Variants in RYK observed in about 807,000 individuals in gnomAD.
RYK encodes receptor like tyrosine kinase, also known as inactive tyrosine-protein kinase RYK.
In RYK, 21 loss-of-function variants were observed where a neutral mutation model predicts 70.2. The observed-to-expected ratio is 0.30, with a 90% confidence interval of 0.21 to 0.43. RYK has a LOEUF of 0.43. Ranked by LOEUF, RYK falls within the 20% of genes least tolerant of loss-of-function variation. The pLI, the probability that RYK is intolerant of heterozygous loss-of-function variation, is 1.00. For missense variants in RYK, 604 were observed against 753.3 expected (o/e 0.80, Z 2.32); for synonymous variants, 267 against 278.0 (o/e 0.96, Z 0.39).
chr3:134,240,430 T>C (rs999866177), intron 1 of RYK, among the ~76,000 whole-genome samples: 9 of 152,170 alleles, frequency 5.9e-5, no homozygotes, highest in Non-Finnish European at 1.3e-4. Flanking sequence ...TAAAGCACCT[T>C]ATTTAAAATA....
At chr3:134,245,463 G>T (rs2015440533) in intron 1 of RYK, among the ~76,000 whole-genome samples, 5 of 152,030 alleles carry the variant, frequency 3.3e-5, no homozygotes, top group Admixed American at 2.6e-4. Flanking sequence ...TTTGCAAGAT[G>T]GCAAAGTACT....
chr3:134,172,943 G>A (rs1163300029), intron 13 of RYK, among the ~76,000 whole-genome samples: 1 of 152,134 alleles, frequency 6.6e-6, no homozygotes, highest in Non-Finnish European at 1.5e-5. Context: ...ACATGAAACA[G>A]GTTGTCATTC....
chr3:134,246,606 G>A (rs1416377067), intron 1 of RYK, among the ~76,000 whole-genome samples: 1 of 151,998 alleles, frequency 6.6e-6, no homozygotes, highest in South Asian at 2.1e-4. Context: ...CCTTAAGACA[G>A]AAAACTGTGA....
intron 5 of RYK, among the ~76,000 whole-genome samples, chr3:134,204,591 C>CCACAGACACACACACA (rs58130864): frequency 7.1e-6 from 1 of 140,694 alleles, no homozygotes; most frequent in East Asian, 2.1e-4. Flanking sequence ...ACAGCCACAG[C>CCACAGACACACACACA]CACACACACA....
intron 2 of RYK, 32 bp from the exon 3 acceptor site, chr3:134,211,639 C>A (rs933792757): frequency 1.4e-6 from 2 of 1,439,888 alleles, no homozygotes; most frequent in East Asian, 2.3e-5. Flanking sequence ...ACAAAATGGA[C>A]CTGTGATAAC....
chr3:134,225,695 A>C (rs1456122980), intron 1 of RYK, among the ~76,000 whole-genome samples: 1 of 152,092 alleles, frequency 6.6e-6, no homozygotes, highest in African/African-American at 2.4e-5. Flanking sequence ...CTCTATAAAA[A>C]ACTTTTTTTA....
At chr3:134,239,726 A>G (rs2015275746) in intron 1 of RYK, among the ~76,000 whole-genome samples, 1 of 152,248 alleles carries the variant, frequency 6.6e-6, no homozygotes, top group Non-Finnish European at 1.5e-5. Context: ...AAAAATAGAA[A>G]GTGGAACAAC....
In RYK at chr3:134,183,045, T is replaced by C. The variant is rs199538071; in HGVS notation, c.1129A>G (p.Met377Val). Residue 377 changes from methionine (M) to valine (V), a missense_variant, in exon 10 of 15, where the codon ATG becomes GTG. By Grantham distance (21) the Met-to-Val change is conservative. Coordinates refer to ENST00000623711, the MANE Select transcript of RYK (RefSeq NM_002958.4). ...KDQASEIQVT[M>V]MLTESCKLRG... ...AGCTTACAACTTTCAGTGAGCATCA[T>C]TGTCACCTGAATTTCAGAAGCTTGA... 9.4e-5 allele frequency: 149 copies of C among 1,590,118 alleles called. No individual in the cohort carries two copies. Among genetic ancestry groups the C allele is most frequent in the Admixed American group, 4.0e-4 (23 of 57,888 alleles).
At chr3:134,235,785 T>C (rs2015184807) in intron 1 of RYK, among the ~76,000 whole-genome samples, 1 of 152,032 alleles carries the variant, frequency 6.6e-6, no homozygotes, top group Admixed American at 6.6e-5. Flanking sequence ...TAGTGAGAAA[T>C]GATTAGAGAG....
At chr3:134,246,988 A>C (rs1041422088) in intron 1 of RYK, among the ~76,000 whole-genome samples, 1 of 152,194 alleles carries the variant, frequency 6.6e-6, no homozygotes, top group Non-Finnish European at 1.5e-5. Flanking sequence ...TACCTGGAAA[A>C]AAAAAAAATC....
At chr3:134,202,131 T>C (rs575079094) in intron 6 of RYK, among the ~76,000 whole-genome samples, 56 of 152,302 alleles carry the variant, frequency 3.7e-4, no homozygotes, top group East Asian at 5.8e-4. Context: ...TCCCAGCACT[T>C]AGCATAGTAT....
intron 12 of RYK, 37 bp from the exon 13 acceptor site, chr3:134,175,805 A>G (rs2013081041): frequency 6.2e-7 from 1 of 1,607,848 alleles, no homozygotes; most frequent in Non-Finnish European, 8.5e-7. Flanking sequence ...ATGCAATCAG[A>G]GTATTAAAAA....
chr3:134,181,961 C>T (rs1441755015), intron 10 of RYK, among the ~76,000 whole-genome samples: 5 of 152,104 alleles, frequency 3.3e-5, no homozygotes, highest in South Asian at 2.1e-4. Context: ...GTCAGGAGAT[C>T]GAGACCATCG....
chr3:134,173,732 G>A (rs1004613945), intron 13 of RYK, among the ~76,000 whole-genome samples: 1 of 152,098 alleles, frequency 6.6e-6, no homozygotes, highest in East Asian at 1.9e-4. Flanking sequence ...TGGGGACATA[G>A]CCAAACCATA....
intron 10 of RYK, chr3:134,181,516 C>T (rs2013294309): frequency 6.6e-6 from 1 of 152,054 alleles, no homozygotes; most frequent in African/African-American, 2.4e-5. Flanking sequence ...TTTTTAGGTC[C>T]TCAAATCCTT....
In RYK at chr3:134,157,855, G is replaced by GT. The variant is rs1352355662; in HGVS notation, c.*297dup. The GT allele has an allele frequency of 4.3e-6, 1 of 231,134 alleles. No individual in the cohort carries two copies. The highest frequency in any genetic ancestry group is 8.8e-5 in the East Asian group (1 of 11,362). 14.3% of individuals were successfully genotyped at this position (231,134 alleles called of 1,614,324 possible). On this transcript the variant is annotated 3_prime_UTR_variant, in exon 15 of 15. Transcript: ENST00000623711. ...CTGTGTCTAAACAATTTTAAAAACT[G>GT]TTTATTTATTTTGTAAGAATGTACC...
chr3:134,227,468 G>A (rs997507366), intron 1 of RYK, among the ~76,000 whole-genome samples: 2 of 151,440 alleles, frequency 1.3e-5, no homozygotes, highest in African/African-American at 4.9e-5. Flanking sequence ...AAATGCCTTG[G>A]AAGAGGAACA....
chr3:134,195,708 A>G (rs1015108167), intron 6 of RYK, among the ~76,000 whole-genome samples: 1 of 152,258 alleles, frequency 6.6e-6, no homozygotes, highest in African/African-American at 2.4e-5. Context: ...ACACTTTGGG[A>G]GGCCAAGGCG....
chr3:134,210,223 T>A (rs1317974617), intron 3 of RYK, among the ~76,000 whole-genome samples: 1 of 152,156 alleles, frequency 6.6e-6, no homozygotes, highest in South Asian at 2.1e-4. Context: ...AGAAATTACA[T>A]GATCAAATGG....
Sources: allele counts gnomAD v4.1 joint callset (sites outside exome capture counted in the v4.1 genomes callset), GRCh38; gene constraint gnomAD v4.1.1; transcripts MANE v1.5; gene names NCBI Gene and HGNC (gene_info 2026-07-23, HGNC 2026-07-21).